CFAP65: variants seen among roughly 807,000 people sequenced by gnomAD.
The protein encoded by CFAP65 is cilia- and flagella-associated protein 65.
In CFAP65, 155 loss-of-function variants were observed where a neutral mutation model predicts 208.0. The ratio of observed to expected loss-of-function variants is 0.75; its 90% CI spans 0.65 to 0.85. CFAP65 has a LOEUF of 0.85. Among genes scored for constraint, CFAP65 ranks in the 40% least tolerant of loss-of-function variants. The probability of loss-of-function intolerance (pLI) is 0.00; values close to 1 mark genes in which losing one functional copy is unlikely to be tolerated. For synonymous variants in CFAP65, 970 were observed against 986.3 expected (o/e 0.98, Z 0.31); for missense variants, 2,294 against 2,451.3 (o/e 0.94, Z 1.36).
chr2:219,030,606 G>C, intron 9 of CFAP65, 83 bp downstream of exon 9: 4 of 1,534,544 alleles, frequency 2.6e-6, no homozygotes, highest in Non-Finnish European at 2.7e-6. Flanking sequence ...GAGAGAAAGG[G>C]GGGGCATTCT....
Position 219,028,205 on chromosome 2 carries a change from A to T in CFAP65, c.1847T>A (p.Ile616Asn). Residue 616 changes from isoleucine to asparagine, a missense_variant, in exon 12 of 35, where the codon ATC (isoleucine) becomes AAC (asparagine). Physicochemically the swap from Ile to Asn is moderately radical, Grantham distance 149 (BLOSUM62 -3). Around this residue, in one of 2 missense-constraint regions of CFAP65, gnomAD observed 867 missense variants for 1,012.6 expected, o/e 0.86. Transcript: ENST00000341552. ...CAGCTGGGGAGGGCACTGTACCTGG[A>T]TGGGAATCATGAGAGCCCCGTTCTG... ...QDQNGALMIP[I>N]QDLEDMPAPQ... 7 of 1,613,792 alleles carry T rather than the reference A, an allele frequency of 4.3e-6. No homozygotes were observed. The highest frequency in any genetic ancestry group is 5.9e-6 in the Non-Finnish European group (7 of 1,179,824).
rs777704175 is a variant in CFAP65 at position 219,029,654 on chromosome 2, G to C, written c.1399C>G (p.Leu467Val). 1.2e-6 allele frequency: 2 copies of C among 1,614,022 alleles called. No individual in the cohort carries two copies. The highest frequency in any genetic ancestry group is 1.7e-6 in the Non-Finnish European group (2 of 1,179,954). Residue 467 changes from leucine (L) to valine (V), a missense_variant, in exon 11 of 35, where the codon CTG (leucine) becomes GTG (valine). Physicochemically the swap from Leu to Val is conservative, Grantham distance 32. This residue lies in a region of CFAP65 where 867 missense variants were observed against 1,012.6 expected (regional missense o/e 0.86). Transcript: ENST00000341552. Reference protein sequence around the residue: ...VGFCRGPAVSLQHYCVNFSWV... With the variant: ...VGFCRGPAVSVQHYCVNFSWV... ...CTGAAGTTGACACAGTAGTGCTGCAGGGACACAGCAGGGCCTGGACACAGG... is the reference window on the plus strand; with the variant it reads ...CTGAAGTTGACACAGTAGTGCTGCACGGACACAGCAGGGCCTGGACACAGG...
intron 21 of CFAP65, among the ~76,000 whole-genome samples, chr2:219,016,806 C>T (rs1409510674): frequency 6.6e-6 from 1 of 152,192 alleles, no homozygotes; most frequent in African/African-American, 2.4e-5. Context: ...GATGCCCATC[C>T]CATGATGTCC....
intron 5 of CFAP65, chr2:219,034,143 G>A (rs182141574): frequency 2.4e-4 from 36 of 152,264 alleles, no homozygotes; most frequent in Middle Eastern, 3.4e-3. Context: ...CATGTTCATG[G>A]AGTAAAAGAC....
In CFAP65 at chr2:219,024,341, G is replaced by A. The variant is rs138216426; in HGVS notation, c.2350-81C>T. On this transcript the variant is annotated intron_variant, in intron 14 of 34. Coordinates refer to ENST00000341552, the MANE Select transcript of CFAP65 (RefSeq NM_194302.4). Reference sequence around the variant, plus strand: ...CACACTCAGGGCCCTATGGGGGCTTGGGAGGAGCTGTCTCCAAGTAGATCA... The same window carrying A: ...CACACTCAGGGCCCTATGGGGGCTTAGGAGGAGCTGTCTCCAAGTAGATCA... 148 of 1,509,412 alleles carry A rather than the reference G, an allele frequency of 9.8e-5. No individual in the cohort carries two copies. In the Middle Eastern group the frequency reaches 1.5e-3, roughly 15 times the overall value. The allele number at this position is 1,509,412 out of a possible 1,614,324, so 93.5% of individuals were successfully genotyped here.
chr2:219,034,459 C>A (rs1405513119), intron 5 of CFAP65: 1 of 151,922 alleles, frequency 6.6e-6, no homozygotes, highest in Admixed American at 6.5e-5. Flanking sequence ...TCTTAATGAC[C>A]TAGGGGTAGA....
intron 21 of CFAP65, chr2:219,018,620 T>A (rs1462948562): frequency 5.4e-6 from 1 of 186,420 alleles, no homozygotes; most frequent in Non-Finnish European, 1.1e-5. Context: ...GCTCTGTCCA[T>A]TCATGGCTGA....
At position 219,035,633 on chromosome 2, in the gene CFAP65, G is replaced by T; in HGVS notation, c.389C>A (p.Ser130Tyr). 6 of 1,613,950 alleles carry T rather than the reference G, an allele frequency of 3.7e-6. No homozygotes were observed. The highest frequency in any genetic ancestry group is 1.6e-4 in the Middle Eastern group (1 of 6,062). Reference protein sequence around the residue: ...PASSMDTQMHSPKKQERVNKR... With the variant: ...PASSMDTQMHYPKKQERVNKR... Reference sequence around the variant, plus strand: ...GTTCACTCTCTCCTGCTTCTTTGGGGAGTGCATCTGAGTGTCCATGGAGCT... The same window carrying T: ...GTTCACTCTCTCCTGCTTCTTTGGGTAGTGCATCTGAGTGTCCATGGAGCT... Residue 130 changes from serine (S) to tyrosine (Y), a missense_variant, in exon 5 of 35, where the codon TCC (serine) becomes TAC (tyrosine). Physicochemically the swap from Ser to Tyr is moderately radical, Grantham distance 144. Around this residue, in one of 2 missense-constraint regions of CFAP65, gnomAD observed 867 missense variants for 1,012.6 expected, o/e 0.86. Coordinates refer to ENST00000341552, the MANE Select transcript of CFAP65 (RefSeq NM_194302.4).
intron 11 of CFAP65, among the ~76,000 whole-genome samples, 175 bp downstream of exon 11, chr2:219,029,228 C>G (rs372328051): frequency 2.0e-5 from 3 of 152,212 alleles, no homozygotes; most frequent in Non-Finnish European, 2.9e-5. Flanking sequence ...CTGCCCTGTG[C>G]CCAGGCTGCA....
At chr2:219,040,184 G>A (rs1249790386) in intron 2 of CFAP65, among the ~76,000 whole-genome samples, 2 of 152,080 alleles carry the variant, frequency 1.3e-5, no homozygotes, top group Non-Finnish European at 2.9e-5. Flanking sequence ...TTATGATTAC[G>A]TGTGACTTGC....
Position 219,032,928 on chromosome 2 carries a change from G to A in CFAP65, c.543-356C>T, listed in dbSNP as rs756740856. On this transcript the variant is annotated intron_variant, in intron 5 of 34. Coordinates refer to ENST00000341552, the MANE Select transcript of CFAP65 (RefSeq NM_194302.4). The surrounding 1 kb of genome is among the most constrained non-coding windows in gnomAD (Gnocchi z 5.5). ...AACCAAGGCTGAGGAGGGTGGGACC[G>A]GGGATGCCTTTCCAGAGACCTCAGC... Among the ~76,000 whole-genome samples the A allele has an allele frequency of 2.6e-5, 4 of 152,144 alleles. No individual in the cohort carries two copies. The highest frequency in any genetic ancestry group is 4.8e-5 in the African/African-American group (2 of 41,418).
chr2:219,032,588 G>A lies in CFAP65; in HGVS notation c.543-16C>T, dbSNP rs374625764. 94 of 1,575,914 alleles carry A rather than the reference G, an allele frequency of 6.0e-5. No individual in the cohort carries two copies. The highest frequency in any genetic ancestry group is 8.1e-5 in the African/African-American group (6 of 74,058). ...CTTGGGGGGCCTGCAGGAGAGAGCC[G>A]GTGGGGAGCACCTCAGATCAGGGCT... is the stretch of plus-strand genomic sequence containing the variant. On this transcript the variant is annotated splice_polypyrimidine_tract_variant and intron_variant, in intron 5 of 34. Transcript: ENST00000341552. This position sits in a 1 kb window ranked among gnomAD's most constrained non-coding sequence, Gnocchi z 5.5.
rs139357720 is a variant in CFAP65 at position 219,038,420 on chromosome 2, G to A, written c.312C>T (p.Asn104=). ...SASTVAIPAI[N]DSSAAMSACS... ...AGGCACTCATGGCTGCACTGCTGTC[G>A]TTGATGGCAGGGATGGCCACTGTGC... Residue 104 remains asparagine (N), a synonymous_variant, in exon 4 of 35, where the codon AAC becomes AAT. Coordinates refer to ENST00000341552, the MANE Select transcript of CFAP65 (RefSeq NM_194302.4). The A allele has an allele frequency of 1.2e-4, 186 of 1,613,780 alleles. No individual in the cohort carries two copies. The highest frequency in any genetic ancestry group is 1.3e-4 in the African/African-American group (10 of 75,040).
rs772103989 is a variant in CFAP65 at position 219,027,720 on chromosome 2, C to T, written c.2141G>A (p.Arg714His). Residue 714 changes from arginine (R) to histidine (H), a missense_variant, in exon 13 of 35, where the codon CGC becomes CAC. Physicochemically the swap from Arg to His is conservative, Grantham distance 29. Transcript: ENST00000341552. ...GGGGTGAGGCGGCTGGAAGTGCAGG[C>T]GCATGGCCATGGACTTGAGTGGGGG... The part of the protein sequence containing the change: ...DVPPLKSMAM[R>H]LHFQPPHPNC... 7 of 1,614,022 alleles carry T rather than the reference C, an allele frequency of 4.3e-6. No individual in the cohort carries two copies. The highest frequency in any genetic ancestry group is 2.7e-5 in the African/African-American group (2 of 75,040).
rs768329245 is a variant in CFAP65, at chr2:219,002,944, A to C, written c.5771T>G (p.Leu1924Arg). The change falls in exon 35 of 35, where the codon CTT becomes CGT. Residue 1924 changes from leucine (L) to arginine (R), a missense_variant. Leu to Arg is a moderately radical substitution (Grantham distance 102, BLOSUM62 -2). Transcript: ENST00000341552. The surrounding 1 kb of genome is among the most constrained non-coding windows in gnomAD (Gnocchi z 7.9). ...GAGGCTGGGCGCGGGCATTTACGGA[A>C]GGTCGGTAGGAAGTGGCACCACCGG... ...LHPVVPLPTD[L>R]P The C allele has an allele frequency of 6.4e-7, 1 of 1,565,788 alleles. No homozygotes were observed. Among genetic ancestry groups the C allele is most frequent in the South Asian group, 1.2e-5 (1 of 85,086 alleles).
chr2:219,005,609 T>C (rs773507195), intron 31 of CFAP65, 47 bp from the exon 32 acceptor site: 2 of 1,605,024 alleles, frequency 1.2e-6, no homozygotes, highest in Non-Finnish European at 8.5e-7. Context: ...GCCACCATGC[T>C]GGGGTTGGGG....
intron 2 of CFAP65, among the ~76,000 whole-genome samples, chr2:219,039,439 A>C (rs1026713655): frequency 1.3e-5 from 2 of 152,204 alleles, no homozygotes; most frequent in African/African-American, 4.8e-5. Flanking sequence ...CCACTCAGGC[A>C]CATGTGGAAG....
At chr2:219,021,981 G>T in intron 17 of CFAP65, 51 bp from the exon 18 acceptor site, 9 of 1,604,136 alleles carry the variant, frequency 5.6e-6, no homozygotes, top group Non-Finnish European at 7.7e-6. Flanking sequence ...CAGGCCCACA[G>T]CCCCACTCTC....
intron 24 of CFAP65, among the ~76,000 whole-genome samples, chr2:219,011,455 A>G (rs1007108521): frequency 4.6e-5 from 7 of 151,430 alleles, no homozygotes; most frequent in African/African-American, 7.3e-5. Flanking sequence ...AAAAATATAT[A>G]TATTTTTTAG....
Sources: gnomAD v4.1 joint callset for allele counts (sites outside exome capture counted in the v4.1 genomes callset) on GRCh38, gnomAD v4.1.1 for gene constraint, gnomAD v4.1.1 regional missense constraint, Gnocchi (gnomAD v3.1) non-coding constraint, MANE v1.5 for transcripts, NCBI Gene and HGNC (gene_info 2026-07-23, HGNC 2026-07-21) for gene names.